Variants in COMP observed in about 807,000 individuals in gnomAD.
COMP encodes cartilage oligomeric matrix protein.
In COMP, 79 loss-of-function variants were observed where a neutral mutation model predicts 95.8. The ratio of observed to expected loss-of-function variants is 0.82; its 90% CI spans 0.69 to 0.99. COMP has a LOEUF of 0.99. Among genes scored for constraint, COMP ranks in the 50% least tolerant of loss-of-function variants. The pLI is 0.00. For synonymous variants in COMP, 438 were observed against 433.9 expected, an observed-to-expected ratio of 1.01 and a Z score of -0.12; for missense variants, 906 against 1,076.1, an observed-to-expected ratio of 0.84 and a Z score of 2.21.
Position 18,788,767 on chromosome 19 carries a change from G to T in COMP, c.604-17C>A. On this transcript the variant is annotated splice_polypyrimidine_tract_variant and intron_variant, in intron 6 of 18. Transcript: ENST00000222271. The surrounding 1 kb of genome is among the most constrained non-coding windows in gnomAD (Gnocchi z 4.7). Reference sequence around the variant, plus strand: ...GAAGGAGCCCTGCGCCGGAGCCGCCGGAGGTCAGCGCAGGCCGCCCGCCGC... The same window carrying T: ...GAAGGAGCCCTGCGCCGGAGCCGCCTGAGGTCAGCGCAGGCCGCCCGCCGC... 1 of 1,596,050 alleles carries T rather than the reference G, an allele frequency of 6.3e-7. No individual in the cohort carries two copies.
chr19:18,790,219 C>T (rs1016416109), intron 3 of COMP, 105 bp from the exon 4 acceptor site: 7 of 874,702 alleles, frequency 8.0e-6, no homozygotes, highest in South Asian at 5.4e-5. Flanking sequence ...CCTTCCCCCC[C>T]ACCCCCCGCC....
In COMP at chr19:18,789,336, A is replaced by G. The variant is rs779266923; in HGVS notation, c.391-39T>C. 11 of 1,430,150 alleles carry G rather than the reference A, an allele frequency of 7.7e-6. No homozygotes were observed. Among genetic ancestry groups the G allele is most frequent in the African/African-American group, 1.5e-5 (1 of 68,504 alleles). The allele number at this position is 1,430,150 out of a possible 1,614,324, so 88.6% of individuals were successfully genotyped here. On this transcript the variant is annotated intron_variant, in intron 4 of 18. Transcript: ENST00000222271. This position sits in a 1 kb window ranked among gnomAD's most constrained non-coding sequence, Gnocchi z 6.1. The stretch of plus-strand genomic sequence containing the variant: ...GGCCACAGAGGGTCAGAGGGCTTCG[A>G]GCTGGGCCCTGGGGGCCGCACCTCG...
rs886054307 is a variant in COMP, at chr19:18,791,201, C to T, written c.69G>A (p.Gln23=). ...GCTAACGCGGCTTACCCAACGGGCT[C>T]TGGCCCTGTCCGGACGCGCCGAGGG... ...LAALGASGQG[Q]SPLGSDLGPQ... Residue 23 remains glutamine, a synonymous_variant, in exon 1 of 19, where the codon CAG becomes CAA. Transcript: ENST00000222271. The T allele has an allele frequency of 1.3e-6, 2 of 1,587,924 alleles. No individual in the cohort carries two copies. Among genetic ancestry groups the T allele is most frequent in the Non-Finnish European group, 1.7e-6 (2 of 1,168,776 alleles).
chr19:18,791,061 T>C, intron 1 of COMP, 126 bp from the exon 2 acceptor site: 20 of 1,503,576 alleles, frequency 1.3e-5, no homozygotes, highest in Non-Finnish European at 1.8e-5. Context: ...TCCCGCCACC[T>C]GCTTTCTGCG....
Position 18,789,221 on chromosome 19 carries a change from G to A in COMP, c.467C>T (p.Pro156Leu). ...SPGFRCEACP[P>L]GYSGPTHQGV... is the part of the protein sequence containing the mutation. ...CTGGTGGGTGGGGCCGCTGTACCCCGGCGGGCAAGCCTCGCAGCGGAACCC... is the reference window on the plus strand; with the variant it reads ...CTGGTGGGTGGGGCCGCTGTACCCCAGCGGGCAAGCCTCGCAGCGGAACCC... The change falls in exon 5 of 19, where the codon CCG becomes CTG. Residue 156 changes from proline (P) to leucine (L), a missense_variant. Coordinates refer to ENST00000222271, the MANE Select transcript of COMP (RefSeq NM_000095.3). The surrounding 1 kb of genome is among the most constrained non-coding windows in gnomAD (Gnocchi z 6.1). 1.3e-6 allele frequency: 2 copies of A among 1,537,384 alleles called. No homozygotes were observed. Among genetic ancestry groups the A allele is most frequent in the South Asian group, 1.3e-5 (1 of 76,954 alleles).
At chr19:18,787,838 G>C (rs2055178646) in intron 9 of COMP, among the ~76,000 whole-genome samples, 188 bp from the exon 10 acceptor site, 1 of 120,578 alleles carries the variant, frequency 8.3e-6, no homozygotes, top group Non-Finnish European at 1.7e-5. Context: ...TCACAGCTCT[G>C]TCTTTTCTTT....
At position 18,788,565 on chromosome 19, in the gene COMP, C is replaced by T; in HGVS notation, c.762+27G>A. The stretch of plus-strand genomic sequence containing the variant: ...CTGGAGTGGCCGCCACCCAACCCCG[C>T]CTCAAGCCCAGCCCGCCCGCACTCA... On this transcript the variant is annotated intron_variant, in intron 7 of 18. Transcript: ENST00000222271. The surrounding 1 kb of genome is among the most constrained non-coding windows in gnomAD (Gnocchi z 4.7). 1 of 1,558,982 alleles carries T rather than the reference C, an allele frequency of 6.4e-7. No individual in the cohort carries two copies. Among genetic ancestry groups the T allele is most frequent in the Non-Finnish European group, 8.7e-7 (1 of 1,152,218 alleles).
intron 10 of COMP, 23 bp downstream of exon 10, chr19:18,787,468 C>T: frequency 2.5e-6 from 4 of 1,609,284 alleles, no homozygotes; most frequent in Non-Finnish European, 3.4e-6. Flanking sequence ...CTCTCCTCGC[C>T]CCCCAACCCC....
rs10577504 is a variant in COMP, at chr19:18,786,763, CTTTTTTTTTTTTT to C, written c.1136-126_1136-114del. On this transcript the variant is annotated intron_variant, in intron 10 of 18. Transcript: ENST00000222271. Reference sequence around the variant, plus strand: ...GAACAGAGTCCCAACTTCATGGAAGCTTTTTTTTTTTTTTTTTTTTTTTTTTTTTGAGACAGTC... The same window carrying C: ...GAACAGAGTCCCAACTTCATGGAAGCTTTTTTTTTTTTTTTTGAGACAGTC... 1,237 of 283,636 alleles carry C rather than the reference CTTTTTTTTTTTTT, an allele frequency of 4.4e-3. 2 individuals are homozygous for C. Among genetic ancestry groups the C allele is most frequent in the East Asian group, 8.8e-3 (98 of 11,188 alleles). 17.6% of individuals were successfully genotyped at this position (283,636 alleles called of 1,614,324 possible).
chr19:18,783,272 A>G, intron 17 of COMP, 79 bp from the exon 18 acceptor site: 2 of 1,565,386 alleles, frequency 1.3e-6, no homozygotes, highest in Non-Finnish European at 1.7e-6. Context: ...CAGCCCTGGA[A>G]GATGGGTACC....
Position 18,785,643 on chromosome 19 carries a change from C to T in COMP, c.1668+30G>A, listed in dbSNP as rs768082784. 2.5e-6 allele frequency: 4 copies of T among 1,613,562 alleles called. No homozygotes were observed. The Admixed American group carries it at 5.0e-5, about 20-fold the overall frequency. On this transcript the variant is annotated intron_variant, in intron 14 of 18. Coordinates refer to ENST00000222271, the MANE Select transcript of COMP (RefSeq NM_000095.3). ...CCTCACTGTGGGGGTTCTAGGGTCC[C>T]ATCACCCCCCACGTGGACCCCGCTC...
In COMP at chr19:18,789,897, G is replaced by A. The variant is rs769962265; in HGVS notation, c.390+45C>T. On this transcript the variant is annotated intron_variant, in intron 4 of 18. Coordinates refer to ENST00000222271, the MANE Select transcript of COMP (RefSeq NM_000095.3). This position sits in a 1 kb window ranked among gnomAD's most constrained non-coding sequence, Gnocchi z 6.1. ...CCCGGGCGGCGAGAGATTGGGGGGC[G>A]GTAGAGGGAGTCGTCAGGGCGGTGG... 1 of 1,588,026 alleles carries A rather than the reference G, an allele frequency of 6.3e-7. No individual in the cohort carries two copies. Among genetic ancestry groups the A allele is most frequent in the Admixed American group, 1.7e-5 (1 of 59,044 alleles).
chr19:18,791,305 T>C lies in COMP; in HGVS notation c.-36A>G. 6.4e-7 allele frequency: 1 copy of C among 1,563,598 alleles called. No homozygotes were observed. Among genetic ancestry groups the C allele is most frequent in the Non-Finnish European group, 8.6e-7 (1 of 1,157,080 alleles). On this transcript the variant is annotated 5_prime_UTR_variant, in exon 1 of 19. Coordinates refer to ENST00000222271, the MANE Select transcript of COMP (RefSeq NM_000095.3). ...GGGAGCTGGGTGGCTGCTCGCTTTC[T>C]ACCGCCCACGAGGCCCGCGGGGCCT...
chr19:18,788,498 G>T lies in COMP; in HGVS notation c.779C>A (p.Ala260Asp). The stretch of plus-strand genomic sequence containing the variant: ...GCGACCACAGAGGATCCCGTTGCCG[G>T]CCCAGCCAACGGCACACTGTGGGAG... Reference protein sequence around the residue: ...SRSCVCAVGWAGNGILCGRDT... With the variant: ...SRSCVCAVGWDGNGILCGRDT... Residue 260 changes from alanine (A) to aspartate (D), a missense_variant, in exon 8 of 19, where the codon GCC becomes GAC. Ala to Asp is a moderately radical substitution (Grantham distance 126). Coordinates refer to ENST00000222271, the MANE Select transcript of COMP (RefSeq NM_000095.3). The surrounding 1 kb of genome is among the most constrained non-coding windows in gnomAD (Gnocchi z 4.7). 1 of 1,608,040 alleles carries T rather than the reference G, an allele frequency of 6.2e-7. No homozygotes were observed. The highest frequency in any genetic ancestry group is 8.5e-7 in the Non-Finnish European group (1 of 1,177,910).
chr19:18,789,023 C>A lies in COMP; in HGVS notation c.529-110G>T, dbSNP rs79520769. On this transcript the variant is annotated intron_variant, in intron 5 of 18. Coordinates refer to ENST00000222271, the MANE Select transcript of COMP (RefSeq NM_000095.3). The surrounding 1 kb of genome is among the most constrained non-coding windows in gnomAD (Gnocchi z 6.1). ...CTCTCCCCTCCATCCTGCCCCAAAC[C>A]GATCAGCCCTGGCGCAGCGGACCCC... 4.1e-4 allele frequency: 641 copies of A among 1,547,548 alleles called. 1 individual carries two copies. The African/African-American group carries it at 7.6e-3, about 18-fold the overall frequency.
In COMP at chr19:18,785,653, C is replaced by A. The variant is rs145290786; in HGVS notation, c.1668+20G>T. ...GGGGTTCTAGGGTCCCATCACCCCC[C>A]ACGTGGACCCCGCTCCCACCTGGTT... On this transcript the variant is annotated intron_variant, in intron 14 of 18. Transcript: ENST00000222271. 3.5e-4 allele frequency: 568 copies of A among 1,613,536 alleles called. 1 individual carries two copies. Among genetic ancestry groups the A allele is most frequent in the Admixed American group, 7.7e-4 (46 of 60,028 alleles).
In COMP at chr19:18,784,083, T is replaced by A; in HGVS notation, c.2087+108A>T. On this transcript the variant is annotated intron_variant, in intron 17 of 18. Transcript: ENST00000222271. The surrounding 1 kb of genome is among the most constrained non-coding windows in gnomAD (Gnocchi z 4.9). The stretch of plus-strand genomic sequence containing the variant: ...TTCTAACTGCCCTGTATCTTTCCTA[T>A]CGTACAGATGAGGGGACCAGGGTCA... 3 of 1,250,640 alleles carry A rather than the reference T, an allele frequency of 2.4e-6. No individual in the cohort carries two copies. Among genetic ancestry groups the A allele is most frequent in the Non-Finnish European group, 3.5e-6 (3 of 856,480 alleles). The allele number at this position is 1,250,640 out of a possible 1,614,324, so 77.5% of individuals were successfully genotyped here.
intron 10 of COMP, chr19:18,787,053 G>A: frequency 2.9e-6 from 1 of 350,404 alleles, no homozygotes; most frequent in South Asian, 2.5e-5. Context: ...TTATAGGCAT[G>A]AGCCACCCCG....
chr19:18,785,942 C>A (rs1018789643), intron 13 of COMP, 23 bp downstream of exon 13: 28 of 1,572,820 alleles, frequency 1.8e-5, no homozygotes, highest in African/African-American at 5.4e-5. Context: ...CCGCCCCCAC[C>A]GCAGGCCCCG....
Sources: allele counts gnomAD v4.1 joint callset (sites outside exome capture counted in the v4.1 genomes callset), GRCh38; gene constraint gnomAD v4.1.1; non-coding constraint Gnocchi (gnomAD v3.1); transcripts MANE v1.5; gene names NCBI Gene and HGNC (gene_info 2026-07-23, HGNC 2026-07-21).